Variants in NDUFB5 observed in about 807,000 individuals in gnomAD.
The protein encoded by NDUFB5 is NADH dehydrogenase [ubiquinone] 1 beta subcomplex subunit 5, mitochondrial.
NDUFB5 carries 19 observed loss-of-function variants against 19.4 expected under a neutral mutation model. The ratio of observed to expected loss-of-function variants is 0.98; its 90% CI spans 0.68 to 1.43. The LOEUF is 1.43. Ranked by LOEUF, NDUFB5 falls within the 40% of genes most tolerant of loss-of-function variation. The pLI, the probability that NDUFB5 is intolerant of heterozygous loss-of-function variation, is 0.00. For missense variants in NDUFB5, 233 were observed against 236.5 expected (o/e 0.99, Z 0.10); for synonymous variants, 80 against 82.6 (o/e 0.97, Z 0.17).
At chr3:179,619,466 T>C (rs1182222189) in intron 5 of NDUFB5, among the ~76,000 whole-genome samples, 6 of 152,074 alleles carry the variant, frequency 3.9e-5, no homozygotes, top group Non-Finnish European at 7.4e-5. Flanking sequence ...TTTTTTGTCC[T>C]TGCGATAGTT....
At chr3:179,621,028 T>C (rs1719520551) in intron 5 of NDUFB5, among the ~76,000 whole-genome samples, 1 of 152,152 alleles carries the variant, frequency 6.6e-6, no homozygotes, top group Non-Finnish European at 1.5e-5. Flanking sequence ...TATATTTCTT[T>C]GTAAAGTTGA....
intron 5 of NDUFB5, among the ~76,000 whole-genome samples, chr3:179,620,374 A>G (rs977407410): frequency 6.6e-6 from 1 of 151,742 alleles, no homozygotes; most frequent in Admixed American, 6.6e-5. Context: ...TAATTTTTGT[A>G]TAAGGTGTAA....
chr3:179,610,488 A>G (rs188018238), intron 1 of NDUFB5, among the ~76,000 whole-genome samples: 1 of 152,230 alleles, frequency 6.6e-6, no homozygotes, highest in African/African-American at 2.4e-5. Context: ...ATTTACATAT[A>G]TTTTCTCCCA....
intron 1 of NDUFB5, among the ~76,000 whole-genome samples, chr3:179,609,190 T>C (rs892013769): frequency 2.6e-5 from 4 of 152,212 alleles, no homozygotes; most frequent in Admixed American, 2.6e-4. Context: ...AAATACCTCT[T>C]CTGAGACCCT....
At chr3:179,607,108 C>T (rs1321510998) in intron 1 of NDUFB5, among the ~76,000 whole-genome samples, 2 of 152,136 alleles carry the variant, frequency 1.3e-5, no homozygotes, top group Non-Finnish European at 2.9e-5. Context: ...ACATTATTGC[C>T]CTTTCTTGGG....
At chr3:179,623,889 A>C in intron 5 of NDUFB5, 31 bp from the exon 6 acceptor site, 1 of 1,611,988 alleles carries the variant, frequency 6.2e-7, no homozygotes, top group Non-Finnish European at 8.5e-7. Flanking sequence ...GAAGTGCTGG[A>C]ATCTCAATAT....
chr3:179,615,573 T>C, intron 2 of NDUFB5: 1 of 463,594 alleles, frequency 2.2e-6, no homozygotes, highest in Non-Finnish European at 4.3e-6. Context: ...ACGAACAAAG[T>C]AGAGGCTTAG....
chr3:179,617,729 A>G (rs1016081063), intron 4 of NDUFB5, among the ~76,000 whole-genome samples: 1 of 152,148 alleles, frequency 6.6e-6, no homozygotes, highest in African/African-American at 2.4e-5. Flanking sequence ...ATTTCATCCC[A>G]TGTAAAATGT....
At chr3:179,622,574 A>G (rs891674736) in intron 5 of NDUFB5, among the ~76,000 whole-genome samples, 23 of 152,208 alleles carry the variant, frequency 1.5e-4, no homozygotes, top group Admixed American at 1.4e-3. Context: ...TCTTTTTAGT[A>G]GGTACATAGT....
rs1719696806 is a variant in NDUFB5, at chr3:179,627,353, C to T, written c.*3313C>T. Reference sequence around the variant, plus strand: ...GTGAGTGTTAGCTCTCCTCCCTTCCCAGGCATTGTGAAGACCCTGTTTCCC... The same window carrying T: ...GTGAGTGTTAGCTCTCCTCCCTTCCTAGGCATTGTGAAGACCCTGTTTCCC... On this transcript the variant is annotated 3_prime_UTR_variant, in exon 6 of 6. Transcript: ENST00000259037. 1 of 152,154 alleles carries T rather than the reference C, an allele frequency of 6.6e-6. No individual in the cohort carries two copies. Among genetic ancestry groups the T allele is most frequent in the Non-Finnish European group, 1.5e-5 (1 of 68,036 alleles). The allele number at this position is 152,154 out of a possible 1,614,324, so 9.4% of individuals were successfully genotyped here.
At chr3:179,617,917 A>T (rs9882051) in intron 4 of NDUFB5, among the ~76,000 whole-genome samples, 110,216 of 152,158 alleles carry the variant, frequency 0.72, 40,466 homozygotes, top group East Asian at 0.92. Context: ...TACTTGTTTT[A>T]ACAAGTGTTA....
At chr3:179,606,573 C>T (rs1360063870) in intron 1 of NDUFB5, among the ~76,000 whole-genome samples, 1 of 152,108 alleles carries the variant, frequency 6.6e-6, no homozygotes, top group Non-Finnish European at 1.5e-5. Flanking sequence ...CTCCTGACCT[C>T]GTGATCCACC....
rs1308635570 is a variant in NDUFB5 at position 179,626,288 on chromosome 3, G to T, written c.*2248G>T. 1.3e-5 allele frequency: 2 copies of T among 150,942 alleles called. No individual in the cohort carries two copies. Among genetic ancestry groups the T allele is most frequent in the Non-Finnish European group, 2.9e-5 (2 of 67,898 alleles). 9.4% of individuals were successfully genotyped at this position (150,942 alleles called of 1,614,324 possible). A position where few individuals can be genotyped will look rare whatever the true frequency, so the allele number is the denominator to read the frequency against. On this transcript the variant is annotated 3_prime_UTR_variant, in exon 6 of 6. Transcript: ENST00000259037. The stretch of plus-strand genomic sequence containing the variant: ...AAATTTTTTTTTTTTTTGAATTGGG[G>T]TCACCCAGTCTGGAGGTGATCTGGG...
At chr3:179,611,848 A>C (rs1560024247) in intron 1 of NDUFB5, among the ~76,000 whole-genome samples, 2 of 151,858 alleles carry the variant, frequency 1.3e-5, no homozygotes, top group Non-Finnish European at 2.9e-5. Flanking sequence ...TGGGCCTATG[A>C]AATTAATAAA....
At chr3:179,608,178 T>TC (rs1422201400) in intron 1 of NDUFB5, among the ~76,000 whole-genome samples, 2 of 145,708 alleles carry the variant, frequency 1.4e-5, no homozygotes, top group African/African-American at 5.1e-5. Flanking sequence ...AGGAAGAGAG[T>TC]TTTTTTTTTG....
At chr3:179,606,357 A>C (rs1027947392) in intron 1 of NDUFB5, among the ~76,000 whole-genome samples, 1 of 151,588 alleles carries the variant, frequency 6.6e-6, no homozygotes, top group Non-Finnish European at 1.5e-5. Flanking sequence ...TATTTTTTTC[A>C]AGACGGAGTC....
chr3:179,611,616 T>C (rs908620681), intron 1 of NDUFB5, among the ~76,000 whole-genome samples: 5 of 152,054 alleles, frequency 3.3e-5, no homozygotes, highest in African/African-American at 1.2e-4. Context: ...GCCAGGCTGG[T>C]CTCGAACTCC....
At chr3:179,619,768 C>A (rs939316520) in intron 5 of NDUFB5, among the ~76,000 whole-genome samples, 1 of 152,206 alleles carries the variant, frequency 6.6e-6, no homozygotes, top group African/African-American at 2.4e-5. Flanking sequence ...CCTGAGGAAT[C>A]GCCACACTGA....
chr3:179,615,609 T>C (rs1477620407), intron 2 of NDUFB5: 1 of 470,600 alleles, frequency 2.1e-6, no homozygotes. Context: ...CTGGACCATC[T>C]GCCACGGTAG....
Sources: gnomAD v4.1 joint callset for allele counts (sites outside exome capture counted in the v4.1 genomes callset) on GRCh38, gnomAD v4.1.1 for gene constraint, MANE v1.5 for transcripts, NCBI Gene and HGNC (gene_info 2026-07-23, HGNC 2026-07-21) for gene names.